FUBP3: variants seen among roughly 807,000 people sequenced by gnomAD.
FUBP3 encodes the protein far upstream element binding protein 3.
FUBP3 carries 28 observed loss-of-function variants against 85.6 expected under a neutral mutation model. The ratio of observed to expected loss-of-function variants is 0.33; its 90% CI spans 0.24 to 0.45. The LOEUF is 0.45. Ranked by LOEUF, FUBP3 falls within the 20% of genes least tolerant of loss-of-function variation. The probability of loss-of-function intolerance (pLI) is 1.00; values close to 1 mark genes in which losing one functional copy is unlikely to be tolerated. For synonymous variants in FUBP3, 271 were observed against 271.4 expected, an observed-to-expected ratio of 1.00 and a Z score of 0.01; for missense variants, 583 against 755.1, an observed-to-expected ratio of 0.77 and a Z score of 2.67.
At chr9:130,596,576 G>A (rs1234277436) in intron 2 of FUBP3, 1 of 330,182 alleles carries the variant, frequency 3.0e-6, no homozygotes, top group Non-Finnish European at 6.0e-6. Flanking sequence ...GTGCAGTGGC[G>A]CCGTTGAACT....
intron 11 of FUBP3, 63 bp downstream of exon 11, chr9:130,623,774 C>A: frequency 2.7e-6 from 3 of 1,099,704 alleles, no homozygotes; most frequent in Non-Finnish European, 4.2e-6. Flanking sequence ...CTACCCGGGG[C>A]TCTCGGTGCA....
chr9:130,618,192 GGAC>G (rs1832105267), intron 8 of FUBP3, among the ~76,000 whole-genome samples: 1 of 151,764 alleles, frequency 6.6e-6, no homozygotes, highest in East Asian at 2.0e-4. Flanking sequence ...TGACTGTTTT[GGAC>G]TGTGTGTGTG....
At chr9:130,591,754 G>A (rs1420766037) in intron 1 of FUBP3, among the ~76,000 whole-genome samples, 1 of 152,184 alleles carries the variant, frequency 6.6e-6, no homozygotes, top group African/African-American at 2.4e-5. Context: ...CATGAATTAA[G>A]AAGAAACCTG....
intron 2 of FUBP3, among the ~76,000 whole-genome samples, chr9:130,597,187 A>T (rs1468402468): frequency 2.6e-5 from 4 of 152,202 alleles, no homozygotes; most frequent in Non-Finnish European, 2.9e-5. Context: ...TTCACTTAAC[A>T]TAATGATCTC....
chr9:130,598,525 AG>A (rs981828296), intron 2 of FUBP3, among the ~76,000 whole-genome samples: 6 of 152,252 alleles, frequency 3.9e-5, no homozygotes, highest in African/African-American at 1.4e-4. Context: ...GAGGAACCAA[AG>A]TATGATTGCC....
At chr9:130,629,568 G>A (rs1330478550) in intron 12 of FUBP3, among the ~76,000 whole-genome samples, 1 of 152,126 alleles carries the variant, frequency 6.6e-6, no homozygotes, top group Non-Finnish European at 1.5e-5. Context: ...ATAGGCTGTT[G>A]AGGCAGGGCT....
intron 1 of FUBP3, among the ~76,000 whole-genome samples, chr9:130,586,296 G>A (rs1230224657): frequency 6.6e-6 from 1 of 152,254 alleles, no homozygotes; most frequent in Non-Finnish European, 1.5e-5. Flanking sequence ...TGCTGGGCCA[G>A]TGCAAAGATA....
Position 130,610,505 on chromosome 9 carries a change from C to T in FUBP3, c.224+518C>T, listed in dbSNP as rs376349388. 2.8e-4 allele frequency among the ~76,000 whole-genome samples: 43 copies of T among 152,326 alleles called. 1 individual carries two copies. The South Asian group carries it at 8.7e-3, about 31-fold the overall frequency. On this transcript the variant is annotated intron_variant, in intron 3 of 18. Coordinates refer to ENST00000319725, the MANE Select transcript of FUBP3 (RefSeq NM_003934.2). Reference sequence around the variant, plus strand: ...AGAGAGCCTCAGCCCAGCTAATTCTCTGTTTCTGTGTCCCCTCATAGCCTT... The same window carrying T: ...AGAGAGCCTCAGCCCAGCTAATTCTTTGTTTCTGTGTCCCCTCATAGCCTT...
At chr9:130,634,545 G>A in intron 16 of FUBP3, 122 bp from the exon 17 acceptor site, 1 of 701,320 alleles carries the variant, frequency 1.4e-6, no homozygotes, top group Non-Finnish European at 2.4e-6. Context: ...AGGCAGGGCT[G>A]CGGAGCCGTG....
rs369149663 is a variant in FUBP3 at position 130,630,606 on chromosome 9, G to T, written c.1118-22G>T. 405 of 1,563,174 alleles carry T rather than the reference G, an allele frequency of 2.6e-4. 1 individual carries two copies. Among genetic ancestry groups the T allele is most frequent in the African/African-American group, 6.7e-4 (48 of 71,524 alleles). Reference sequence around the variant, plus strand: ...TGCCGCAGTCTCTGCTTACTCTTCTGCCTGTGTTGTGCTGTCCGCAGGGGG... The same window carrying T: ...TGCCGCAGTCTCTGCTTACTCTTCTTCCTGTGTTGTGCTGTCCGCAGGGGG... On this transcript the variant is annotated intron_variant, in intron 12 of 18. Coordinates refer to ENST00000319725, the MANE Select transcript of FUBP3 (RefSeq NM_003934.2).
intron 12 of FUBP3, among the ~76,000 whole-genome samples, chr9:130,629,316 C>G (rs1374252366): frequency 3.9e-5 from 6 of 152,214 alleles, no homozygotes; most frequent in Non-Finnish European, 8.8e-5. Context: ...TTAAGGAAAT[C>G]ACAAGCACAA....
rs886648631 is a variant in FUBP3, at chr9:130,630,693, C to T, written c.1183C>T (p.Pro395Ser). ...GAHVELQRNP[P>S]PNSDPNLRRF... is the part of the protein sequence containing the mutation. ...GCACGTGGAGCTTCAGAGGAACCCC[C>T]CTCCCAACAGCGACCCCAACCTGCG... Residue 395 changes from proline (P) to serine (S), a missense_variant, in exon 13 of 19, where the codon CCT (proline) becomes TCT (serine). Pro to Ser is a moderately conservative substitution (Grantham distance 74). This residue lies in a region of FUBP3 where 404 missense variants were observed against 516.8 expected (regional missense o/e 0.78). Coordinates refer to ENST00000319725, the MANE Select transcript of FUBP3 (RefSeq NM_003934.2). The T allele has an allele frequency of 3.1e-6, 5 of 1,598,744 alleles. No homozygotes were observed. The highest frequency in any genetic ancestry group is 4.3e-6 in the Non-Finnish European group (5 of 1,173,130).
chr9:130,634,959 CAT>C (rs1830361416), intron 17 of FUBP3, among the ~76,000 whole-genome samples: 1 of 152,212 alleles, frequency 6.6e-6, no homozygotes, highest in African/African-American at 2.4e-5. Context: ...CGACTCGGCA[CAT>C]CCCCTCCTCT....
At chr9:130,631,495 C>A in intron 13 of FUBP3, 62 bp from the exon 14 acceptor site, 1 of 1,498,594 alleles carries the variant, frequency 6.7e-7, no homozygotes, top group Non-Finnish European at 9.3e-7. Flanking sequence ...CGGGGTGGGC[C>A]TGGGCAGAGG....
chr9:130,630,034 C>G (rs1438816629), intron 12 of FUBP3, among the ~76,000 whole-genome samples: 2 of 152,244 alleles, frequency 1.3e-5, no homozygotes, highest in Non-Finnish European at 2.9e-5. Flanking sequence ...ACCTCCACCC[C>G]ATCCTTGCAC....
chr9:130,602,118 T>C (rs2119043760), intron 2 of FUBP3, among the ~76,000 whole-genome samples: 1 of 152,210 alleles, frequency 6.6e-6, no homozygotes, highest in South Asian at 2.1e-4. Context: ...ATTTTTAAAT[T>C]GTACACCATT....
chr9:130,603,393 G>A (rs185572364), intron 2 of FUBP3, among the ~76,000 whole-genome samples: 1 of 148,852 alleles, frequency 6.7e-6, no homozygotes, highest in Non-Finnish European at 1.5e-5. Context: ...GACAGGGTCT[G>A]ATTTTATCCA....
chr9:130,584,482 C>G (rs565041772), intron 1 of FUBP3, among the ~76,000 whole-genome samples: 1 of 149,222 alleles, frequency 6.7e-6, no homozygotes, highest in African/African-American at 2.5e-5. Flanking sequence ...GAGCCGAGAT[C>G]GTGCCATTGC....
chr9:130,587,064 T>TG (rs200319132), intron 1 of FUBP3, among the ~76,000 whole-genome samples: 5 of 119,820 alleles, frequency 4.2e-5, no homozygotes, highest in Admixed American at 1.8e-4. Flanking sequence ...TGTTTTTTTT[T>TG]TTTGTTTGTT....
Sources: allele counts gnomAD v4.1 joint callset (sites outside exome capture counted in the v4.1 genomes callset), GRCh38; gene constraint gnomAD v4.1.1; regional missense constraint gnomAD v4.1.1; transcripts MANE v1.5; gene names NCBI Gene and HGNC (gene_info 2026-07-23, HGNC 2026-07-21).